FAM241A: variants seen among roughly 807,000 people sequenced by gnomAD.
The protein encoded by FAM241A is uncharacterized protein FAM241A.
A neutral mutation model predicts 12.2 loss-of-function variants in FAM241A; 7 were observed. The ratio of observed to expected loss-of-function variants is 0.58; its 90% CI spans 0.33 to 1.08. FAM241A has a LOEUF of 1.08. Ranked by LOEUF, FAM241A falls within the 50% of genes least tolerant of loss-of-function variation. The pLI, the probability that FAM241A is intolerant of heterozygous loss-of-function variation, is 0.04. For missense variants in FAM241A, 161 were observed against 169.7 expected (o/e 0.95, Z 0.29); for synonymous variants, 74 against 68.2 (o/e 1.08, Z -0.42).
In FAM241A at chr4:112,186,978, A is replaced by AT. The variant is rs771783437; in HGVS notation, c.*41dup. The AT allele has an allele frequency of 7.6e-6, 12 of 1,579,496 alleles. No homozygotes were observed. In the Admixed American group the frequency reaches 9.3e-5, roughly 12 times the overall value. The stretch of plus-strand genomic sequence containing the variant: ...GAATTGTTTGACATTTGGTAGCCAT[A>AT]TATGTAATTGAAGAAGTTATATATT... On this transcript the variant is annotated 3_prime_UTR_variant, in exon 2 of 2. Coordinates refer to ENST00000309733, the MANE Select transcript of FAM241A (RefSeq NM_152400.3).
chr4:112,169,972 C>G (rs1723682569), intron 1 of FAM241A, among the ~76,000 whole-genome samples: 1 of 152,048 alleles, frequency 6.6e-6, no homozygotes, highest in Admixed American at 6.6e-5. Flanking sequence ...TTTCAAAAAG[C>G]CTTTTTTTGG....
At chr4:112,146,473 A>T (rs1218860268) in intron 1 of FAM241A, among the ~76,000 whole-genome samples, 1 of 152,258 alleles carries the variant, frequency 6.6e-6, no homozygotes, top group Non-Finnish European at 1.5e-5. Flanking sequence ...AATATCTTAA[A>T]GATTAGGCAA....
intron 1 of FAM241A, among the ~76,000 whole-genome samples, chr4:112,163,008 A>G (rs1047420601): frequency 2.0e-5 from 3 of 152,174 alleles, no homozygotes; most frequent in African/African-American, 7.2e-5. Context: ...AATACCACAC[A>G]TCTACAACCA....
In FAM241A at chr4:112,190,475, C is replaced by T. The variant is rs1191189512; in HGVS notation, c.*3537C>T. The stretch of plus-strand genomic sequence containing the variant: ...CCGAAGCGGGCGGATCACCTGAGGT[C>T]GGGAGTTCGAGACTAGCCTGACCAA... On this transcript the variant is annotated 3_prime_UTR_variant, in exon 2 of 2. Transcript: ENST00000309733. 1 of 146,590 alleles carries T rather than the reference C, an allele frequency of 6.8e-6. No individual in the cohort carries two copies. The highest frequency in any genetic ancestry group is 2.5e-5 in the African/African-American group (1 of 39,422). 9.1% of individuals were successfully genotyped at this position (146,590 alleles called of 1,614,324 possible). A position where few individuals can be genotyped will look rare whatever the true frequency, so the allele number is the denominator to read the frequency against.
At chr4:112,163,055 G>A (rs891410734) in intron 1 of FAM241A, among the ~76,000 whole-genome samples, 10 of 152,114 alleles carry the variant, frequency 6.6e-5, no homozygotes, top group African/African-American at 2.4e-4. Flanking sequence ...ACAAGCAATG[G>A]GGAAAGGATT....
rs548638909 is a variant in FAM241A at position 112,172,339 on chromosome 4, T to C, written c.154-14354T>C. 1.1e-3 allele frequency among the ~76,000 whole-genome samples: 168 copies of C among 152,340 alleles called. 1 individual carries two copies. Among genetic ancestry groups the C allele is most frequent in the African/African-American group, 3.8e-3 (157 of 41,592 alleles). On this transcript the variant is annotated intron_variant, in intron 1 of 1. Transcript: ENST00000309733. ...GGATAACCTTTGAGATGAAGAGGAA[T>C]ACAAAGCAAGAAATCAGTCTTTGCA...
Position 112,194,111 on chromosome 4 carries a change from T to C in FAM241A, c.*7173T>C, listed in dbSNP as rs1724220336. 2 of 133,590 alleles carry C rather than the reference T, an allele frequency of 1.5e-5. No individual in the cohort carries two copies. The allele number at this position is 133,590 out of a possible 1,614,324, so 8.3% of individuals were successfully genotyped here. On this transcript the variant is annotated 3_prime_UTR_variant, in exon 2 of 2. Coordinates refer to ENST00000309733, the MANE Select transcript of FAM241A (RefSeq NM_152400.3). ...AGGTATTTTGTTCTCTTTGAAGCAATTGTGAATGGGAGTTCACTCATGATT... is the reference window on the plus strand; with the variant it reads ...AGGTATTTTGTTCTCTTTGAAGCAACTGTGAATGGGAGTTCACTCATGATT...
intron 1 of FAM241A, among the ~76,000 whole-genome samples, chr4:112,149,746 T>C (rs1723209597): frequency 6.6e-6 from 1 of 152,232 alleles, no homozygotes; most frequent in African/African-American, 2.4e-5. Context: ...TATCATATTG[T>C]AAGCTGTTGC....
chr4:112,167,385 A>G (rs1723621314), intron 1 of FAM241A, among the ~76,000 whole-genome samples: 1 of 152,178 alleles, frequency 6.6e-6, no homozygotes, highest in East Asian at 1.9e-4. Context: ...ACCTAGAGTG[A>G]CTAGTAGGCT....
intron 1 of FAM241A, among the ~76,000 whole-genome samples, chr4:112,152,125 T>A (rs983710018): frequency 2.6e-5 from 4 of 152,246 alleles, no homozygotes; most frequent in Non-Finnish European, 5.9e-5. Flanking sequence ...ATTTTGCATT[T>A]GATAGGCATC....
chr4:112,168,100 C>G (rs909944061), intron 1 of FAM241A, among the ~76,000 whole-genome samples: 2 of 152,180 alleles, frequency 1.3e-5, no homozygotes, highest in Non-Finnish European at 2.9e-5. Context: ...TTACAGTAAG[C>G]AGAAAACTTC....
At chr4:112,175,392 GTC>G (rs986390525) in intron 1 of FAM241A, among the ~76,000 whole-genome samples, 1 of 152,068 alleles carries the variant, frequency 6.6e-6, no homozygotes, top group African/African-American at 2.4e-5. Flanking sequence ...GAAAAAACCT[GTC>G]TCTTTTTCAA....
intron 1 of FAM241A, among the ~76,000 whole-genome samples, chr4:112,159,424 T>G (rs1174032390): frequency 6.6e-6 from 1 of 152,188 alleles, no homozygotes; most frequent in African/African-American, 2.4e-5. Context: ...TTAGCAAATT[T>G]CCTCTTTTAA....
Position 112,191,468 on chromosome 4 carries a change from G to A in FAM241A, c.*4530G>A, listed in dbSNP as rs529875763. 1 of 152,282 alleles carries A rather than the reference G, an allele frequency of 6.6e-6. No individual in the cohort carries two copies. Among genetic ancestry groups the A allele is most frequent in the South Asian group, 2.1e-4 (1 of 4,830 alleles). 9.4% of individuals were successfully genotyped at this position (152,282 alleles called of 1,614,324 possible). On this transcript the variant is annotated 3_prime_UTR_variant, in exon 2 of 2. Transcript: ENST00000309733. ...TGATAAAGTCCTTATGCCTTAATAT[G>A]TTTTACAAGGCTCTTCATGTACTGG...
In FAM241A at chr4:112,192,100, A is replaced by T. The variant is rs939268574; in HGVS notation, c.*5162A>T. On this transcript the variant is annotated 3_prime_UTR_variant, in exon 2 of 2. Transcript: ENST00000309733. ...AGCATGGGTTGATGTATACATTATA[A>T]TTTATAAAGCTATTCACTTCTGATA... The T allele has an allele frequency of 2.6e-5, 4 of 152,292 alleles. No homozygotes were observed. Among genetic ancestry groups the T allele is most frequent in the African/African-American group, 7.2e-5 (3 of 41,542 alleles). 9.4% of individuals were successfully genotyped at this position (152,292 alleles called of 1,614,324 possible). A position where few individuals can be genotyped will look rare whatever the true frequency, so the allele number is the denominator to read the frequency against.
Position 112,194,313 on chromosome 4 carries a change from C to G in FAM241A, c.*7375C>G, listed in dbSNP as rs534482032. On this transcript the variant is annotated 3_prime_UTR_variant, in exon 2 of 2. Transcript: ENST00000309733. ...CTGCAAACAGGGACAATTTGACTTC[C>G]TCTTTTCCTAATTGAATACTTTTTA... 6.6e-6 allele frequency: 1 copy of G among 152,174 alleles called. No homozygotes were observed. Among genetic ancestry groups the G allele is most frequent in the African/African-American group, 2.4e-5 (1 of 41,490 alleles). The allele number at this position is 152,174 out of a possible 1,614,324, so 9.4% of individuals were successfully genotyped here.
At chr4:112,176,486 A>C (rs1396283953) in intron 1 of FAM241A, among the ~76,000 whole-genome samples, 1 of 152,228 alleles carries the variant, frequency 6.6e-6, no homozygotes, top group Non-Finnish European at 1.5e-5. Flanking sequence ...ATGACGGAGC[A>C]GGATTTGAAT....
chr4:112,171,572 G>C, intron 1 of FAM241A: 1 of 698,320 alleles, frequency 1.4e-6, no homozygotes, highest in Non-Finnish European at 2.6e-6. Flanking sequence ...AAAATCTTGA[G>C]TTTATGGCCG....
intron 1 of FAM241A, among the ~76,000 whole-genome samples, chr4:112,151,165 C>A (rs1233700916): frequency 6.6e-6 from 1 of 152,066 alleles, no homozygotes. Flanking sequence ...TAGTGCTATG[C>A]CTTTGGTGAC....
Sources: gnomAD v4.1 joint callset for allele counts (sites outside exome capture counted in the v4.1 genomes callset) on GRCh38, gnomAD v4.1.1 for gene constraint, MANE v1.5 for transcripts, NCBI Gene and HGNC (gene_info 2026-07-23, HGNC 2026-07-21) for gene names.